Variants in ZNF420 observed in about 807,000 individuals in gnomAD.
ZNF420 encodes the protein zinc finger protein 420, also known as ATM and p53-associated KZNF protein.
In ZNF420, 31 loss-of-function variants were observed where a neutral mutation model predicts 44.7. The ratio of observed to expected loss-of-function variants is 0.69; its 90% CI spans 0.52 to 0.94. The LOEUF (loss-of-function observed/expected upper bound fraction) is 0.94, where lower values mean the gene tolerates loss of function less well. Among genes scored for constraint, ZNF420 ranks in the 40% least tolerant of loss-of-function variants. The pLI, the probability that ZNF420 is intolerant of heterozygous loss-of-function variation, is 0.00. For synonymous variants in ZNF420, 245 were observed against 267.4 expected (o/e 0.92, Z 0.82); for missense variants, 681 against 827.9 (o/e 0.82, Z 2.18).
At position 37,130,272 on chromosome 19, in the gene ZNF420, C is replaced by T. The variant is rs1971594655; in HGVS notation, c.*1214C>T. 3 of 1,432,700 alleles carry T rather than the reference C, an allele frequency of 2.1e-6. No individual in the cohort carries two copies. Among genetic ancestry groups the T allele is most frequent in the Non-Finnish European group, 2.8e-6 (3 of 1,089,122 alleles). The allele number at this position is 1,432,700 out of a possible 1,614,324, so 88.7% of individuals were successfully genotyped here. A position where few individuals can be genotyped will look rare whatever the true frequency, so the allele number is the denominator to read the frequency against. On this transcript the variant is annotated 3_prime_UTR_variant, in exon 5 of 5. Transcript: ENST00000337995. ...GAACAGCCATACTAGCTCTGGTCTG[C>T]TTGCCTCCTGTTTCTCTTTAAATAA... is the stretch of plus-strand genomic sequence containing the variant.
chr19:37,081,797 C>T (rs1462343631), intron 2 of ZNF420, among the ~76,000 whole-genome samples: 3 of 149,178 alleles, frequency 2.0e-5, no homozygotes, highest in East Asian at 2.0e-4. Context: ...CTGCCCACCT[C>T]GGCCTCCCAA....
Position 37,130,358 on chromosome 19 carries a change from A to C in ZNF420, c.*1300A>C. ...CTGTTATTGACAATAAAAATTCTTA[A>C]GGATATAAAATTTTGTACCTGGAAG... On this transcript the variant is annotated 3_prime_UTR_variant, in exon 5 of 5. Coordinates refer to ENST00000337995, the MANE Select transcript of ZNF420 (RefSeq NM_144689.5). The C allele has an allele frequency of 7.8e-7, 1 of 1,278,218 alleles. No homozygotes were observed. The allele number at this position is 1,278,218 out of a possible 1,614,324, so 79.2% of individuals were successfully genotyped here.
chr19:37,093,273 A>G (rs1436955314), intron 4 of ZNF420: 2 of 152,220 alleles, frequency 1.3e-5, no homozygotes, highest in Non-Finnish European at 2.9e-5. Context: ...CCCAGGCTAG[A>G]GTGCAATGGC....
intron 1 of ZNF420, among the ~76,000 whole-genome samples, chr19:37,064,050 C>A (rs1480479987): frequency 6.6e-6 from 1 of 152,136 alleles, no homozygotes; most frequent in Non-Finnish European, 1.5e-5. Context: ...TGATAAGGTT[C>A]CGAGTTGTAG....
At chr19:37,041,879 A>G (rs1273905308) in intron 1 of ZNF420, among the ~76,000 whole-genome samples, 1 of 152,204 alleles carries the variant, frequency 6.6e-6, no homozygotes, top group East Asian at 1.9e-4. Flanking sequence ...AATCATGATT[A>G]TCTCTATTTC....
rs1042275679 is a variant in ZNF420, at chr19:37,056,972, A to C, written c.-124-23373A>C. ...AAGGGGCTTCAGCCTGACTTCCAGC[A>C]GCGGAGCGCGAGTCGGCCTAGCCAA... On this transcript the variant is annotated intron_variant, in intron 1 of 4. Transcript: ENST00000587029. Among the ~76,000 whole-genome samples the C allele has an allele frequency of 5.2e-4, 79 of 152,254 alleles. 6 individuals are homozygous for C. The highest frequency in any genetic ancestry group is 1.3e-4 in the Non-Finnish European group (9 of 68,048).
At chr19:37,060,564 T>C (rs557141187) in intron 1 of ZNF420, among the ~76,000 whole-genome samples, 22 of 152,058 alleles carry the variant, frequency 1.4e-4, no homozygotes, top group South Asian at 4.1e-4. Flanking sequence ...AGGGAGAAAC[T>C]TCATGGAGAT....
At chr19:37,039,878 G>GT (rs1484874925) in intron 1 of ZNF420, among the ~76,000 whole-genome samples, 3 of 149,048 alleles carry the variant, frequency 2.0e-5, no homozygotes, top group Non-Finnish European at 3.0e-5. Flanking sequence ...TTTTTGATTT[G>GT]TTTTTTTGTT....
intron 4 of ZNF420, among the ~76,000 whole-genome samples, chr19:37,095,119 G>C (rs1242089106): frequency 7.0e-6 from 1 of 142,266 alleles, no homozygotes; most frequent in Non-Finnish European, 1.5e-5. Flanking sequence ...GATAGAGAGA[G>C]ACTCTGTCTC....
chr19:37,126,280 A>G (rs896462061), intron 4 of ZNF420, among the ~76,000 whole-genome samples: 3 of 152,206 alleles, frequency 2.0e-5, no homozygotes, highest in African/African-American at 4.8e-5. Context: ...GTGTTTGTAT[A>G]GTCTCATCCA....
chr19:37,013,158 G>A (rs2074584648), intron 1 of ZNF420, among the ~76,000 whole-genome samples: 1 of 152,006 alleles, frequency 6.6e-6, no homozygotes, highest in Admixed American at 6.6e-5. Context: ...TTTTTTAAAG[G>A]GGTCGCAGCC....
intron 2 of ZNF420, among the ~76,000 whole-genome samples, chr19:37,088,028 A>G (rs186152055): frequency 2.4e-4 from 36 of 152,266 alleles, no homozygotes; most frequent in Admixed American, 2.4e-3. Flanking sequence ...GACATTTCAT[A>G]TGGCTTTGCG....
upstream of ZNF420, among the ~76,000 whole-genome samples, chr19:37,075,546 G>T (rs943682152): frequency 3.3e-5 from 5 of 152,122 alleles, no homozygotes; most frequent in Admixed American, 6.5e-5. Context: ...TTCGAGACCA[G>T]CCTGGCTAAA....
At chr19:37,071,321 G>A (rs961894322) in intron 1 of ZNF420, among the ~76,000 whole-genome samples, 6 of 152,240 alleles carry the variant, frequency 3.9e-5, no homozygotes, top group Admixed American at 6.5e-5. Flanking sequence ...GTCACAGAAT[G>A]ATATATGAAA....
chr19:37,037,273 C>T (rs1055473894), intron 1 of ZNF420, among the ~76,000 whole-genome samples: 2 of 152,144 alleles, frequency 1.3e-5, no homozygotes, highest in African/African-American at 2.4e-5. Context: ...GGCCGGGGTA[C>T]AGTCAGTGGA....
At chr19:37,020,539 C>T (rs1706516138) in intron 1 of ZNF420, among the ~76,000 whole-genome samples, 1 of 152,222 alleles carries the variant, frequency 6.6e-6, no homozygotes, top group African/African-American at 2.4e-5. Flanking sequence ...CCAAATAAAC[C>T]TGTCTTTGAC....
chr19:37,033,366 T>C (rs1006052495), intron 1 of ZNF420, among the ~76,000 whole-genome samples: 6 of 152,188 alleles, frequency 3.9e-5, no homozygotes, highest in Admixed American at 2.6e-4. Flanking sequence ...AGCCCTTCAT[T>C]ACTCTCTCCT....
Position 37,080,944 on chromosome 19 carries a change from C to T in ZNF420, c.-81+556C>T, listed in dbSNP as rs930177420. ...TGGTGGTGGATGCACATAGTCCCAG[C>T]TACTCGGGAGACTGAGGCAGGAGAA... On this transcript the variant is annotated intron_variant, in intron 2 of 4. Transcript: ENST00000337995. 8.6e-5 allele frequency among the ~76,000 whole-genome samples: 13 copies of T among 151,136 alleles called. No individual in the cohort carries two copies. The Admixed American group carries it at 8.6e-4, about 10-fold the overall frequency.
intron 1 of ZNF420, among the ~76,000 whole-genome samples, chr19:37,069,150 T>G (rs1968016416): frequency 2.0e-5 from 3 of 152,252 alleles, no homozygotes; most frequent in African/African-American, 4.8e-5. Flanking sequence ...AAAAGACAAA[T>G]TCTCATCAAA....
Sources: allele counts gnomAD v4.1 joint callset (sites outside exome capture counted in the v4.1 genomes callset), GRCh38; gene constraint gnomAD v4.1.1; transcripts MANE v1.5; gene names NCBI Gene and HGNC (gene_info 2026-07-23, HGNC 2026-07-21).